The following MIPEP variants were observed in gnomAD, a reference collection of about 807,000 sequenced individuals.
MIPEP encodes the protein mitochondrial intermediate peptidase.
Under a neutral mutation model 90.3 loss-of-function variants are expected in MIPEP, and 79 were observed. The ratio of observed to expected loss-of-function variants is 0.87; its 90% CI spans 0.73 to 1.05. The LOEUF (loss-of-function observed/expected upper bound fraction) is 1.05. Ranked by LOEUF, MIPEP falls within the 50% of genes least tolerant of loss-of-function variation. The probability of loss-of-function intolerance (pLI) is 0.00; values close to 1 mark genes in which losing one functional copy is unlikely to be tolerated. For synonymous variants in MIPEP, 334 were observed against 315.8 expected (o/e 1.06, Z -0.61); for missense variants, 940 against 905.6 (o/e 1.04, Z -0.49).
At chr13:23,835,051 C>T (rs1163099831) in intron 14 of MIPEP, among the ~76,000 whole-genome samples, 1 of 143,434 alleles carries the variant, frequency 7.0e-6, no homozygotes, top group Non-Finnish European at 1.5e-5. Context: ...TTAACAGTCT[C>T]ACTCTGTTGC....
intron 16 of MIPEP, among the ~76,000 whole-genome samples, chr13:23,778,865 G>T (rs1056259085): frequency 6.6e-6 from 1 of 152,122 alleles, no homozygotes; most frequent in African/African-American, 2.4e-5. Context: ...TAGCTCACCT[G>T]ATTCTACAAC....
chr13:23,761,277 G>A (rs986202244), intron 16 of MIPEP, among the ~76,000 whole-genome samples: 14 of 152,030 alleles, frequency 9.2e-5, no homozygotes, highest in Admixed American at 1.3e-4. Flanking sequence ...AGGAAGAAGC[G>A]GACACCTAAT....
Position 23,847,488 on chromosome 13 carries a change from A to G in MIPEP, c.1107-6000T>C, listed in dbSNP as rs531064781. ...CTAAAAAAAAAAAAAAAACCCAAAC[A>G]GAAAACTACAGACATCACGGATGTT... On this transcript the variant is annotated intron_variant, in intron 10 of 18. Transcript: ENST00000382172. Among the ~76,000 whole-genome samples the G allele has an allele frequency of 6.6e-5, 10 of 151,726 alleles. No individual in the cohort carries two copies. The East Asian group carries it at 1.9e-3, about 29-fold the overall frequency.
In MIPEP at chr13:23,786,551, C is replaced by T. The variant is rs137948789; in HGVS notation, c.1848+19399G>A. On this transcript the variant is annotated intron_variant, in intron 16 of 18. Transcript: ENST00000382172. ...TATATCAAGAAGGATAAATGATTAA[C>T]ATTTTCATAAAAATCAATAGCAAAA... Among the ~76,000 whole-genome samples, 546 of 151,926 alleles carry T rather than the reference C, an allele frequency of 3.6e-3. 2 individuals are homozygous for T. The highest frequency in any genetic ancestry group is 0.011 in the African/African-American group (442 of 41,436).
intron 16 of MIPEP, among the ~76,000 whole-genome samples, chr13:23,761,898 C>T (rs2138518584): frequency 6.6e-6 from 1 of 152,324 alleles, no homozygotes; most frequent in African/African-American, 2.4e-5. Context: ...GCTGAGGCAG[C>T]TGGGTCACTT....
At chr13:23,734,492 G>A (rs999677582) in intron 18 of MIPEP, among the ~76,000 whole-genome samples, 1 of 152,270 alleles carries the variant, frequency 6.6e-6, no homozygotes. Context: ...TGAGTAAGGT[G>A]TACTCCTATG....
At chr13:23,825,149 A>T (rs769182504) in intron 14 of MIPEP, among the ~76,000 whole-genome samples, 2 of 152,248 alleles carry the variant, frequency 1.3e-5, no homozygotes, top group Non-Finnish European at 2.9e-5. Context: ...ACTGGTCTAA[A>T]GCCAGCTGTG....
At chr13:23,848,759 C>T (rs1455907023) in intron 10 of MIPEP, among the ~76,000 whole-genome samples, 1 of 152,198 alleles carries the variant, frequency 6.6e-6, no homozygotes, top group Admixed American at 6.5e-5. Context: ...CAAGCAAGCA[C>T]TAGTGCCTTA....
intron 15 of MIPEP, among the ~76,000 whole-genome samples, chr13:23,806,715 T>C (rs1466598750): frequency 7.2e-6 from 1 of 138,512 alleles, no homozygotes; most frequent in Non-Finnish European, 1.5e-5. Flanking sequence ...CAAAAAAATC[T>C]ATATCTATCT....
At chr13:23,862,090 T>C (rs1244778788) in intron 9 of MIPEP, among the ~76,000 whole-genome samples, 3 of 152,184 alleles carry the variant, frequency 2.0e-5, no homozygotes, top group African/African-American at 2.4e-5. Flanking sequence ...ATAAAATATG[T>C]CGACTCCTCA....
At chr13:23,764,715 A>C (rs1195488031) in intron 16 of MIPEP, among the ~76,000 whole-genome samples, 1 of 151,940 alleles carries the variant, frequency 6.6e-6, no homozygotes, top group Non-Finnish European at 1.5e-5. Flanking sequence ...GCACCACCAT[A>C]ATTGGCTAAT....
chr13:23,801,618 G>T (rs1368726894), intron 16 of MIPEP, among the ~76,000 whole-genome samples: 1 of 152,044 alleles, frequency 6.6e-6, no homozygotes, highest in East Asian at 1.9e-4. Flanking sequence ...TTTCTTTATA[G>T]TCTAATCACA....
intron 18 of MIPEP, among the ~76,000 whole-genome samples, chr13:23,750,614 T>C (rs1318311712): frequency 6.6e-6 from 1 of 152,204 alleles, no homozygotes; most frequent in African/African-American, 2.4e-5. Flanking sequence ...TATTTGTCAT[T>C]TCCCCCGCTG....
chr13:23,878,938 G>A (rs955721876), intron 4 of MIPEP, among the ~76,000 whole-genome samples: 2 of 152,158 alleles, frequency 1.3e-5, no homozygotes, highest in African/African-American at 4.8e-5. Flanking sequence ...GGATGCAGCT[G>A]GGAACAAAAC....
intron 4 of MIPEP, among the ~76,000 whole-genome samples, chr13:23,878,424 C>T (rs1566026950): frequency 6.6e-6 from 1 of 152,056 alleles, no homozygotes; most frequent in African/African-American, 2.4e-5. Context: ...ATCAATTGGT[C>T]CCTATAGAAA....
At chr13:23,838,068 G>A (rs975216532) in intron 12 of MIPEP, among the ~76,000 whole-genome samples, 24 of 152,104 alleles carry the variant, frequency 1.6e-4, no homozygotes, top group African/African-American at 5.8e-4. Flanking sequence ...ACTTACGAAG[G>A]GACACTAACA....
At chr13:23,773,379 C>G (rs1394210774) in intron 16 of MIPEP, among the ~76,000 whole-genome samples, 8 of 152,132 alleles carry the variant, frequency 5.3e-5, no homozygotes, top group Non-Finnish European at 1.2e-4. Flanking sequence ...GAGTGGTTTC[C>G]ACTTTTTGAC....
At chr13:23,862,966 C>G (rs1175855682) in intron 8 of MIPEP, among the ~76,000 whole-genome samples, 2 of 152,194 alleles carry the variant, frequency 1.3e-5, no homozygotes, top group Non-Finnish European at 2.9e-5. Flanking sequence ...AAGTGCATAA[C>G]TAACCCTCTT....
chr13:23,773,941 T>C (rs1952682451), intron 16 of MIPEP, among the ~76,000 whole-genome samples: 1 of 152,176 alleles, frequency 6.6e-6, no homozygotes, highest in Admixed American at 6.5e-5. Flanking sequence ...ATAAAAAAAA[T>C]CTTCTGTTTC....
Sources: allele counts gnomAD v4.1 joint callset (sites outside exome capture counted in the v4.1 genomes callset), GRCh38; gene constraint gnomAD v4.1.1; transcripts MANE v1.5; gene names NCBI Gene and HGNC (gene_info 2026-07-23, HGNC 2026-07-21).